Variants in PCNX2 observed in about 807,000 individuals in gnomAD.
The protein encoded by PCNX2 is pecanex 2.
In PCNX2, 168 loss-of-function variants were observed where a neutral mutation model predicts 223.8. The ratio of observed to expected loss-of-function variants is 0.75; its 90% CI spans 0.66 to 0.85. The LOEUF (loss-of-function observed/expected upper bound fraction) is 0.85. Among genes scored for constraint, PCNX2 ranks in the 40% least tolerant of loss-of-function variants. The pLI, the probability that PCNX2 is intolerant of heterozygous loss-of-function variation, is 0.00. For synonymous variants in PCNX2, 1,006 were observed against 1,052.6 expected (o/e 0.96, Z 0.86); for missense variants, 2,507 against 2,675.5 (o/e 0.94, Z 1.39).
chr1:233,086,203 T>C (rs1431889746), intron 23 of PCNX2, among the ~76,000 whole-genome samples: 4 of 152,086 alleles, frequency 2.6e-5, no homozygotes, highest in Non-Finnish European at 5.9e-5. Context: ...AAGGAGAGGT[T>C]CGGAATGGAA....
chr1:233,198,716 G>A lies in PCNX2; in HGVS notation c.3066+223C>T, dbSNP rs139779664. Among the ~76,000 whole-genome samples the A allele has an allele frequency of 2.4e-3, 367 of 152,292 alleles. 3 individuals carry two copies. Among genetic ancestry groups the A allele is most frequent in the African/African-American group, 8.6e-3 (357 of 41,574 alleles). ...ATCTTAGCAGAGAGACATCTGCAGA[G>A]GGGAGGCCAGGCCAGGAGGTGGGGG... is the stretch of plus-strand genomic sequence containing the variant. On this transcript the variant is annotated intron_variant, in intron 15 of 33. Coordinates refer to ENST00000258229, the MANE Select transcript of PCNX2 (RefSeq NM_014801.4).
At chr1:233,018,831 C>T (rs1670776893) in intron 26 of PCNX2, 2 of 985,292 alleles carry the variant, frequency 2.0e-6, no homozygotes, top group Non-Finnish European at 2.4e-6. Context: ...GATGTGTGCT[C>T]CTGTTAGAAA....
intron 26 of PCNX2, among the ~76,000 whole-genome samples, chr1:233,019,735 G>A (rs1241921082): frequency 6.7e-6 from 1 of 149,970 alleles, no homozygotes; most frequent in Non-Finnish European, 1.5e-5. Flanking sequence ...TGGCATTAGG[G>A]GACAGGAGAA....
intron 8 of PCNX2, among the ~76,000 whole-genome samples, chr1:233,237,252 T>C (rs1372285662): frequency 1.3e-5 from 2 of 152,196 alleles, no homozygotes; most frequent in African/African-American, 4.8e-5. Context: ...GTTCTACAGA[T>C]GACAACCTTA....
intron 17 of PCNX2, among the ~76,000 whole-genome samples, chr1:233,174,089 TATAA>T (rs1454372273): frequency 2.1e-5 from 3 of 145,692 alleles, no homozygotes; most frequent in Admixed American, 6.9e-5. Context: ...TAAAATTATA[TATAA>T]ATATATTTAA....
chr1:233,068,627 G>A lies in PCNX2; in HGVS notation c.4077-11337C>T, dbSNP rs557446717. Among the ~76,000 whole-genome samples, 10 of 152,098 alleles carry A rather than the reference G, an allele frequency of 6.6e-5. No homozygotes were observed. In the South Asian group the frequency reaches 1.0e-3, roughly 16 times the overall value. On this transcript the variant is annotated intron_variant, in intron 23 of 33. Coordinates refer to ENST00000258229, the MANE Select transcript of PCNX2 (RefSeq NM_014801.4). ...AAGACTTCTACACTTCATTTGAACA[G>A]GTAAAATGACAGTACCAGTAGATTT...
At chr1:233,017,952 G>A (rs190411960) in intron 26 of PCNX2, among the ~76,000 whole-genome samples, 1 of 152,326 alleles carries the variant, frequency 6.6e-6, no homozygotes, top group East Asian at 1.9e-4. Context: ...AGAGATTGGG[G>A]TAGACCTGCC....
chr1:233,024,755 C>G (rs532319925), intron 26 of PCNX2, among the ~76,000 whole-genome samples: 162 of 152,290 alleles, frequency 1.1e-3, no homozygotes, highest in Non-Finnish European at 2.0e-3. Flanking sequence ...AAATATAATT[C>G]TGATTCTAAA....
chr1:233,258,581 T>C lies in PCNX2; in HGVS notation c.1281A>G (p.Ser427=). ...AAGSPNAEQI[S]IPVITLDLPE... ...GCAGGTCCAGGGTGATTACAGGAAT[T>C]GAGATCTGCTCGGCATTTGGAGAAC... Residue 427 remains serine (S), a synonymous_variant, in exon 5 of 34, where the codon TCA becomes TCG. Coordinates refer to ENST00000258229, the MANE Select transcript of PCNX2 (RefSeq NM_014801.4). The C allele has an allele frequency of 1.2e-6, 2 of 1,613,302 alleles. No homozygotes were observed. Among genetic ancestry groups the C allele is most frequent in the Non-Finnish European group, 8.5e-7 (1 of 1,179,528 alleles).
intron 13 of PCNX2, among the ~76,000 whole-genome samples, chr1:233,206,648 T>A (rs1219645588): frequency 6.6e-6 from 1 of 152,086 alleles, no homozygotes; most frequent in Non-Finnish European, 1.5e-5. Flanking sequence ...TCTGTTCTTA[T>A]TTTTTTTCCA....
At chr1:233,008,287 G>A (rs1485247041) in intron 28 of PCNX2, among the ~76,000 whole-genome samples, 1 of 152,134 alleles carries the variant, frequency 6.6e-6, no homozygotes, top group Non-Finnish European at 1.5e-5. Flanking sequence ...TAAAGAACAC[G>A]TGATGTCCCC....
In PCNX2 at chr1:233,295,288, T is replaced by A. The variant is rs76028560; in HGVS notation, c.153+38A>T. Reference sequence around the variant, plus strand: ...GGTTCCTTTCTCCTTCTTCCCTCCATACCCACAGCTCCCCGGGACCGGACC... The same window carrying A: ...GGTTCCTTTCTCCTTCTTCCCTCCAAACCCACAGCTCCCCGGGACCGGACC... On this transcript the variant is annotated intron_variant, in intron 1 of 33. Coordinates refer to ENST00000258229, the MANE Select transcript of PCNX2 (RefSeq NM_014801.4). The surrounding 1 kb of genome is among the most constrained non-coding windows in gnomAD (Gnocchi z 4.1). 1.5e-3 allele frequency: 2,395 copies of A among 1,563,604 alleles called. 84 individuals carry two copies. In the East Asian group the frequency reaches 0.055, roughly 36 times the overall value.
intron 1 of PCNX2, among the ~76,000 whole-genome samples, chr1:233,277,975 T>G (rs554564723): frequency 2.0e-5 from 3 of 152,246 alleles, no homozygotes; most frequent in Non-Finnish European, 4.4e-5. Flanking sequence ...TTACTGATTA[T>G]GTTTATCATT....
intron 1 of PCNX2, among the ~76,000 whole-genome samples, chr1:233,284,116 T>C (rs1247587001): frequency 6.6e-6 from 1 of 152,172 alleles, no homozygotes; most frequent in Non-Finnish European, 1.5e-5. Flanking sequence ...GAATCTTGGA[T>C]ACAGAAAAAC....
At chr1:233,193,609 GACA>G (rs1480306610) in intron 15 of PCNX2, among the ~76,000 whole-genome samples, 11 of 152,108 alleles carry the variant, frequency 7.2e-5, no homozygotes, top group African/African-American at 2.2e-4. Flanking sequence ...CTCACAGCCT[GACA>G]ACAAGAAAAA....
chr1:233,258,707 G>A lies in PCNX2; in HGVS notation c.1155C>T (p.Asn385=), dbSNP rs984026679. The A allele has an allele frequency of 1.2e-5, 20 of 1,613,882 alleles. No individual in the cohort carries two copies. The highest frequency in any genetic ancestry group is 1.7e-5 in the Non-Finnish European group (20 of 1,179,900). The change falls in exon 5 of 34, where the codon AAC becomes AAT. Residue 385 remains asparagine, a synonymous_variant. Transcript: ENST00000258229. ...KIVITMSSTP[N]SMTDLESSLH... is the part of the protein sequence containing the mutation. ...GGGAGCTTTCCAAATCTGTCATGGA[G>A]TTTGGGGTACTGCTCATCGTGATAA...
intron 1 of PCNX2, among the ~76,000 whole-genome samples, chr1:233,268,612 C>T (rs1013773612): frequency 6.6e-6 from 1 of 152,282 alleles, no homozygotes; most frequent in South Asian, 2.1e-4. Flanking sequence ...AGAACTCCTC[C>T]TTTCTGGAAG....
chr1:233,250,612 C>T, intron 8 of PCNX2, 127 bp downstream of exon 8: 1 of 1,333,590 alleles, frequency 7.5e-7, no homozygotes. Context: ...TCATACAAAA[C>T]CACATGCCTT....
At chr1:233,200,882 T>A (rs79989163) in intron 13 of PCNX2, among the ~76,000 whole-genome samples, 1 of 150,444 alleles carries the variant, frequency 6.6e-6, no homozygotes, top group African/African-American at 2.4e-5. Context: ...AAAAATTAGC[T>A]GGGCGTGGTG....
Sources: allele counts gnomAD v4.1 joint callset (sites outside exome capture counted in the v4.1 genomes callset), GRCh38; gene constraint gnomAD v4.1.1; non-coding constraint Gnocchi (gnomAD v3.1); transcripts MANE v1.5; gene names NCBI Gene and HGNC (gene_info 2026-07-23, HGNC 2026-07-21).